The following SLC17A8 variants were observed in gnomAD, a reference collection of about 807,000 sequenced individuals.
SLC17A8 encodes the protein solute carrier family 17 member 8.
In SLC17A8, 31 loss-of-function variants were observed where a neutral mutation model predicts 58.0. The ratio of observed to expected loss-of-function variants is 0.53; its 90% CI spans 0.40 to 0.72. SLC17A8 has a LOEUF of 0.72. Ranked by LOEUF, SLC17A8 falls within the 30% of genes least tolerant of loss-of-function variation. The pLI is 0.00. For missense variants in SLC17A8, 655 were observed against 727.8 expected, an observed-to-expected ratio of 0.90 and a Z score of 1.15; for synonymous variants, 228 against 249.0, an observed-to-expected ratio of 0.92 and a Z score of 0.79.
chr12:100,414,211 T>G (rs1952890783), intron 10 of SLC17A8, among the ~76,000 whole-genome samples: 1 of 152,200 alleles, frequency 6.6e-6, no homozygotes, highest in Non-Finnish European at 1.5e-5. Flanking sequence ...GCCGTGCTCC[T>G]TCCATTATTC....
intron 1 of SLC17A8, among the ~76,000 whole-genome samples, chr12:100,369,401 G>A (rs957718031): frequency 6.6e-6 from 1 of 152,212 alleles, no homozygotes; most frequent in African/African-American, 2.4e-5. Context: ...AGACTGTTCT[G>A]GATAAAACAC....
At chr12:100,393,515 T>C (rs767771985) in intron 4 of SLC17A8, 32 bp downstream of exon 4, 3 of 1,495,744 alleles carry the variant, frequency 2.0e-6, no homozygotes, top group South Asian at 2.3e-5. Context: ...GTTTTTGATA[T>C]TGCTAGAGAC....
chr12:100,379,703 C>CA (rs1453343767), intron 1 of SLC17A8, among the ~76,000 whole-genome samples: 1 of 150,986 alleles, frequency 6.6e-6, no homozygotes, highest in Admixed American at 6.6e-5. Context: ...TGTCCAATTA[C>CA]TTTTTTTTTA....
intron 10 of SLC17A8, among the ~76,000 whole-genome samples, chr12:100,416,657 A>T (rs1386229183): frequency 6.6e-6 from 1 of 152,210 alleles, no homozygotes; most frequent in African/African-American, 2.4e-5. Context: ...TAATTTAGCA[A>T]CTATTTATTG....
In SLC17A8 at chr12:100,402,844, T is replaced by C. The variant is rs1431826143; in HGVS notation, c.1053+99T>C. 2.4e-6 allele frequency: 3 copies of C among 1,246,314 alleles called. No homozygotes were observed. In the African/African-American group the frequency reaches 4.5e-5, roughly 19 times the overall value. The allele number at this position is 1,246,314 out of a possible 1,614,324, so 77.2% of individuals were successfully genotyped here. On this transcript the variant is annotated intron_variant, in intron 8 of 11. Coordinates refer to ENST00000323346, the MANE Select transcript of SLC17A8 (RefSeq NM_139319.3). The stretch of plus-strand genomic sequence containing the variant: ...AAAATAATTAAATTGCTGATCATAA[T>C]TCATAACAGTTCTGTGACACCTAAT...
chr12:100,373,807 T>C (rs1952575416), intron 1 of SLC17A8, among the ~76,000 whole-genome samples: 1 of 152,036 alleles, frequency 6.6e-6, no homozygotes, highest in Non-Finnish European at 1.5e-5. Flanking sequence ...TAGGCTGGTC[T>C]CGAACCCCTA....
At chr12:100,379,156 G>T (rs1952614381) in intron 1 of SLC17A8, among the ~76,000 whole-genome samples, 1 of 151,008 alleles carries the variant, frequency 6.6e-6, no homozygotes, top group South Asian at 2.1e-4. Flanking sequence ...CTGCCAAGGT[G>T]CCGGGGGCGG....
intron 1 of SLC17A8, among the ~76,000 whole-genome samples, chr12:100,371,376 C>T (rs1952557722): frequency 6.6e-6 from 1 of 152,132 alleles, no homozygotes; most frequent in African/African-American, 2.4e-5. Context: ...TGCAATACTC[C>T]TCCAGAACCT....
At chr12:100,399,676 G>A (rs957265730) in intron 5 of SLC17A8, among the ~76,000 whole-genome samples, 9 of 152,026 alleles carry the variant, frequency 5.9e-5, no homozygotes, top group Admixed American at 3.9e-4. Context: ...AGAACAGCAC[G>A]GGGGAAATCC....
At chr12:100,400,634 T>G (rs1952784422) in intron 5 of SLC17A8, among the ~76,000 whole-genome samples, 1 of 152,172 alleles carries the variant, frequency 6.6e-6, no homozygotes, top group African/African-American at 2.4e-5. Context: ...AGATCTTCCT[T>G]AGCATCAAAT....
At position 100,405,346 on chromosome 12, in the gene SLC17A8, C is replaced by T. The variant is rs539906651; in HGVS notation, c.1186+1176C>T. On this transcript the variant is annotated intron_variant, in intron 9 of 11. Coordinates refer to ENST00000323346, the MANE Select transcript of SLC17A8 (RefSeq NM_139319.3). ...TAGCAGCTAGAATAATGCCCATGTC[C>T]TAATCCTCAGAAGCTGTGAATATGT... is the stretch of plus-strand genomic sequence containing the variant. Among the ~76,000 whole-genome samples the T allele has an allele frequency of 2.6e-5, 4 of 152,296 alleles. No individual in the cohort carries two copies. The East Asian group carries it at 7.7e-4, about 29-fold the overall frequency.
At chr12:100,397,243 T>C (rs1396074744) in intron 5 of SLC17A8, among the ~76,000 whole-genome samples, 1 of 152,148 alleles carries the variant, frequency 6.6e-6, no homozygotes, top group African/African-American at 2.4e-5. Flanking sequence ...CGCCTCTTCT[T>C]TTTATATGAA....
intron 1 of SLC17A8, among the ~76,000 whole-genome samples, chr12:100,376,109 C>A (rs1952593029): frequency 6.6e-6 from 1 of 152,144 alleles, no homozygotes. Flanking sequence ...GAGAAGAGAG[C>A]CATCTGCAAG....
chr12:100,400,408 A>G (rs1952782840), intron 5 of SLC17A8, among the ~76,000 whole-genome samples: 1 of 152,108 alleles, frequency 6.6e-6, no homozygotes, highest in African/African-American at 2.4e-5. Context: ...AAGCATCTTC[A>G]CATACATAGT....
At chr12:100,367,726 A>T (rs966173240) in intron 1 of SLC17A8, among the ~76,000 whole-genome samples, 1 of 151,930 alleles carries the variant, frequency 6.6e-6, no homozygotes, top group African/African-American at 2.4e-5. Flanking sequence ...AATTTTTAAA[A>T]TATTCTGTAG....
chr12:100,357,310 G>A lies in SLC17A8; in HGVS notation c.-82G>A. 4 of 836,124 alleles carry A rather than the reference G, an allele frequency of 4.8e-6. No homozygotes were observed. The highest frequency in any genetic ancestry group is 8.5e-6 in the Non-Finnish European group (4 of 471,650). The allele number at this position is 836,124 out of a possible 1,614,324, so 51.8% of individuals were successfully genotyped here. ...TCCAGGTGTTCACCAAGGGAAACAA[G>A]GTGGTTCTCACACTGGAAATGAGGA... On this transcript the variant is annotated 5_prime_UTR_variant, in exon 1 of 12. Coordinates refer to ENST00000323346, the MANE Select transcript of SLC17A8 (RefSeq NM_139319.3).
At chr12:100,402,259 A>C in intron 6 of SLC17A8, 81 bp from the exon 7 acceptor site, 6 of 1,537,092 alleles carry the variant, frequency 3.9e-6, no homozygotes. Context: ...CCTGAAAAAA[A>C]TATATATGGT....
At chr12:100,362,350 A>T (rs1952490374) in intron 1 of SLC17A8, among the ~76,000 whole-genome samples, 1 of 152,190 alleles carries the variant, frequency 6.6e-6, no homozygotes, top group Non-Finnish European at 1.5e-5. Flanking sequence ...GTCCACTCGG[A>T]CATCTCCTGA....
At chr12:100,379,819 C>T (rs1041810123) in intron 1 of SLC17A8, among the ~76,000 whole-genome samples, 2 of 151,902 alleles carry the variant, frequency 1.3e-5, no homozygotes, top group African/African-American at 4.8e-5. Context: ...GAGGAACCAT[C>T]TAAGGAGAAA....
Sources: allele counts gnomAD v4.1 joint callset (sites outside exome capture counted in the v4.1 genomes callset), GRCh38; gene constraint gnomAD v4.1.1; transcripts MANE v1.5; gene names NCBI Gene and HGNC (gene_info 2026-07-23, HGNC 2026-07-21).